NPHS2: variants seen among roughly 807,000 people sequenced by gnomAD.
NPHS2 encodes NPHS2 stomatin family member, podocin, also known as podocin.
A neutral mutation model predicts 37.1 loss-of-function variants in NPHS2; 36 were observed. That is an observed-to-expected ratio of 0.97 (90% CI 0.74 to 1.28). The LOEUF is 1.28. Ranked by LOEUF, NPHS2 falls within the 50% of genes most tolerant of loss-of-function variation. NPHS2 has a pLI of 0.00. For synonymous variants in NPHS2, 196 were observed against 189.3 expected, an observed-to-expected ratio of 1.04 and a Z score of -0.29; for missense variants, 447 against 488.1, an observed-to-expected ratio of 0.92 and a Z score of 0.79.
intron 1 of NPHS2, among the ~76,000 whole-genome samples, chr1:179,566,346 G>T (rs1230105208): frequency 6.6e-6 from 1 of 152,178 alleles, no homozygotes; most frequent in Admixed American, 6.5e-5. Context: ...TCATGTGTCT[G>T]TTGGCTGCAT....
At position 179,575,908 on chromosome 1, in the gene NPHS2, A is replaced by AG; in HGVS notation, c.-45dup. 1 of 1,368,490 alleles carries AG rather than the reference A, an allele frequency of 7.3e-7. No individual in the cohort carries two copies. The highest frequency in any genetic ancestry group is 9.4e-7 in the Non-Finnish European group (1 of 1,068,980). 84.8% of individuals were successfully genotyped at this position (1,368,490 alleles called of 1,614,324 possible). A position where few individuals can be genotyped will look rare whatever the true frequency, so the allele number is the denominator to read the frequency against. The stretch of plus-strand genomic sequence containing the variant: ...GCTGGAGCAGCAGCGCGGGAGCGCT[A>AG]GGGGCACGGGAGCGCAGTCCCTGTG... On this transcript the variant is annotated 5_prime_UTR_variant, in exon 1 of 8. Coordinates refer to ENST00000367615, the MANE Select transcript of NPHS2 (RefSeq NM_014625.4).
intron 1 of NPHS2, among the ~76,000 whole-genome samples, chr1:179,567,151 T>C (rs1489526327): frequency 1.3e-5 from 2 of 152,216 alleles, no homozygotes; most frequent in Non-Finnish European, 2.9e-5. Context: ...ATAAATTACT[T>C]TGGGCAGTAT....
intron 1 of NPHS2, among the ~76,000 whole-genome samples, chr1:179,571,322 C>T (rs1264889437): frequency 6.6e-6 from 1 of 152,184 alleles, no homozygotes; most frequent in South Asian, 2.1e-4. Context: ...CAGTCAGGTC[C>T]CTCAGCCGCA....
intron 1 of NPHS2, among the ~76,000 whole-genome samples, chr1:179,570,487 T>C (rs888891191): frequency 1.3e-5 from 2 of 152,250 alleles, no homozygotes; most frequent in Non-Finnish European, 2.9e-5. Context: ...CACAGATCGC[T>C]CATGCTATTG....
chr1:179,551,384 C>T lies in NPHS2; in HGVS notation c.941G>A (p.Gly314Asp), dbSNP rs1281805711. The T allele has an allele frequency of 6.2e-7, 1 of 1,614,046 alleles. No individual in the cohort carries two copies. The highest frequency in any genetic ancestry group is 8.5e-7 in the Non-Finnish European group (1 of 1,179,972). ...SLRMAAEILS[G>D]TPAAVQLRYL... is the part of the protein sequence containing the mutation. ...TCGAAGCTGAACGGCAGCAGGGGTGCCTGACAGAATCTCAGCTGCCATCCT... is the reference window on the plus strand; with the variant it reads ...TCGAAGCTGAACGGCAGCAGGGGTGTCTGACAGAATCTCAGCTGCCATCCT... The change falls in exon 8 of 8, where the codon GGC becomes GAC. Residue 314 changes from glycine (G) to aspartate (D), a missense_variant. Coordinates refer to ENST00000367615, the MANE Select transcript of NPHS2 (RefSeq NM_014625.4).
Position 179,551,091 on chromosome 1 carries a change from G to A in NPHS2, c.*82C>T, listed in dbSNP as rs866862105. 2 of 1,567,714 alleles carry A rather than the reference G, an allele frequency of 1.3e-6. No individual in the cohort carries two copies. Among genetic ancestry groups the A allele is most frequent in the South Asian group, 2.2e-5 (2 of 89,254 alleles). On this transcript the variant is annotated 3_prime_UTR_variant, in exon 8 of 8. Transcript: ENST00000367615. ...CATATGGCAACCAAAGGAAGGGCAG[G>A]GAATGAGGACAGAGTGTCTCCCTCA...
At chr1:179,571,471 G>A (rs1300858018) in intron 1 of NPHS2, among the ~76,000 whole-genome samples, 1 of 152,174 alleles carries the variant, frequency 6.6e-6, no homozygotes, top group African/African-American at 2.4e-5. Flanking sequence ...GCCTATATGA[G>A]GTGTCTGTTG....
intron 5 of NPHS2, 84 bp from the exon 6 acceptor site, chr1:179,554,615 AC>A (rs1673803293): frequency 3.8e-6 from 6 of 1,562,860 alleles, no homozygotes; most frequent in Non-Finnish European, 5.3e-6. Context: ...ATTGTTCTGT[AC>A]TAAGGAACAA....
At chr1:179,552,338 G>A (rs1673408297) in intron 7 of NPHS2, 2 of 537,374 alleles carry the variant, frequency 3.7e-6, no homozygotes, top group South Asian at 4.0e-5. Flanking sequence ...TGTGTGTGGA[G>A]GAGATGCCTT....
chr1:179,552,072 GC>G (rs1489542504), intron 7 of NPHS2: 1 of 166,700 alleles, frequency 6.0e-6, no homozygotes, highest in Non-Finnish European at 1.3e-5. Flanking sequence ...TCTTCCCAAG[GC>G]CCCCTCACCC....
chr1:179,575,594 C>T lies in NPHS2; in HGVS notation c.271G>A (p.Glu91Lys). Residue 91 changes from glutamate (E) to lysine (K), a missense_variant, in exon 1 of 8, where the codon GAA (glutamate) becomes AAA (lysine). Glu to Lys is a moderately conservative substitution (Grantham distance 56, BLOSUM62 1). Coordinates refer to ENST00000367615, the MANE Select transcript of NPHS2 (RefSeq NM_014625.4). The part of the protein sequence containing the change: ...VALLESERPE[E>K]GTKSSGLGAC... Reference sequence around the variant, plus strand: ...GATAGTGGTGCTGAATCCGTACCTTCCTCGGGCCGCTCGCTCTCCAACAGC... The same window carrying T: ...GATAGTGGTGCTGAATCCGTACCTTTCTCGGGCCGCTCGCTCTCCAACAGC... 1.2e-6 allele frequency: 2 copies of T among 1,601,510 alleles called. No homozygotes were observed. Among genetic ancestry groups the T allele is most frequent in the Non-Finnish European group, 8.5e-7 (1 of 1,179,876 alleles).
chr1:179,564,936 T>C (rs1392608439), intron 1 of NPHS2, 143 bp from the exon 2 acceptor site: 3 of 720,480 alleles, frequency 4.2e-6, no homozygotes, highest in East Asian at 5.6e-5. Flanking sequence ...CAAATCAGAG[T>C]AGTCAGAGTT....
At chr1:179,563,777 A>G (rs1444612757) in intron 2 of NPHS2, among the ~76,000 whole-genome samples, 1 of 152,220 alleles carries the variant, frequency 6.6e-6, no homozygotes, top group African/African-American at 2.4e-5. Flanking sequence ...GAAAACAAAA[A>G]CACAAGATAC....
intron 1 of NPHS2, among the ~76,000 whole-genome samples, chr1:179,572,579 A>G (rs1003128066): frequency 6.6e-6 from 1 of 152,198 alleles, no homozygotes; most frequent in African/African-American, 2.4e-5. Context: ...GTGAGAAGAA[A>G]GGAGGAATGA....
intron 1 of NPHS2, among the ~76,000 whole-genome samples, chr1:179,567,779 C>T (rs1268710393): frequency 6.6e-6 from 1 of 152,036 alleles, no homozygotes; most frequent in Non-Finnish European, 1.5e-5. Context: ...GCATGAAGGG[C>T]TGTTGAATTT....
In NPHS2 at chr1:179,550,893, C is replaced by A; in HGVS notation, c.*280G>T. 2.2e-6 allele frequency: 1 copy of A among 456,858 alleles called. No individual in the cohort carries two copies. Among genetic ancestry groups the A allele is most frequent in the Non-Finnish European group, 4.0e-6 (1 of 247,902 alleles). The allele number at this position is 456,858 out of a possible 1,614,324, so 28.3% of individuals were successfully genotyped here. ...AAGTTCCCAGAAGTCAAAATTTAAC[C>A]ACATCTAGACTCAAAATTCTTTCCA... On this transcript the variant is annotated 3_prime_UTR_variant, in exon 8 of 8. Coordinates refer to ENST00000367615, the MANE Select transcript of NPHS2 (RefSeq NM_014625.4).
intron 1 of NPHS2, among the ~76,000 whole-genome samples, chr1:179,571,370 C>T (rs1291102639): frequency 2.0e-5 from 3 of 152,218 alleles, no homozygotes; most frequent in East Asian, 1.9e-4. Flanking sequence ...CTCCAGACCC[C>T]GTTTGCCTGG....
intron 2 of NPHS2, 104 bp from the exon 3 acceptor site, chr1:179,561,465 G>T: frequency 1.2e-6 from 1 of 839,268 alleles, no homozygotes; most frequent in Non-Finnish European, 2.0e-6. Flanking sequence ...TTTGTTTTGA[G>T]AACCAGGAAA....
chr1:179,561,298 TG>T lies in NPHS2; in HGVS notation c.441del (p.Gly149AlafsTer32). On this transcript the variant is annotated frameshift_variant, in exon 3 of 8. Coordinates refer to ENST00000367615, the MANE Select transcript of NPHS2 (RefSeq NM_014625.4). LOFTEE classifies it high-confidence loss of function. ...FRLGHLLPGR[A>X]KGPGLFFFLP... ...AAGAGTGTTTTTTTACCAGGGCCTT[TG>T]GCTCTTCCAGGAAGCAGATGTCCCA... is the stretch of plus-strand genomic sequence containing the variant. 6.2e-7 allele frequency: 1 copy of T among 1,612,952 alleles called. No homozygotes were observed. The highest frequency in any genetic ancestry group is 1.1e-5 in the South Asian group (1 of 91,056).
Sources: gnomAD v4.1 joint callset for allele counts (sites outside exome capture counted in the v4.1 genomes callset) on GRCh38, gnomAD v4.1.1 for gene constraint, MANE v1.5 for transcripts, NCBI Gene and HGNC (gene_info 2026-07-23, HGNC 2026-07-21) for gene names.